MAP3K9: variants seen among roughly 807,000 people sequenced by gnomAD.
The protein encoded by MAP3K9 is mixed lineage kinase 1 (tyr and ser/thr specificity).
Under a neutral mutation model 95.8 loss-of-function variants are expected in MAP3K9, and 46 were observed. The observed-to-expected ratio is 0.48, with a 90% confidence interval of 0.38 to 0.61. The LOEUF is 0.61. Ranked by LOEUF, MAP3K9 falls within the 20% of genes least tolerant of loss-of-function variation. The probability of loss-of-function intolerance (pLI) is 0.00; values close to 1 mark genes in which losing one functional copy is unlikely to be tolerated. For synonymous variants in MAP3K9, 533 were observed against 593.8 expected (o/e 0.90, Z 1.49); for missense variants, 1,296 against 1,474.3 (o/e 0.88, Z 1.98).
intron 2 of MAP3K9, among the ~76,000 whole-genome samples, chr14:70,797,263 T>G (rs991369178): frequency 2.6e-5 from 4 of 152,052 alleles, no homozygotes; most frequent in African/African-American, 9.7e-5. Context: ...TCTGGAACCC[T>G]TAACAAAGCA....
At position 70,732,767 on chromosome 14, in the gene MAP3K9, C is replaced by T. The variant is rs537793324; in HGVS notation, c.2602G>A (p.Glu868Lys). ...GTACATGGACTCAGGGGAGGGGCCT[C>T]GACTGGGCTGACTGGCATCTCATAC... ...VVYEMPVSPV[E>K]APPLSPCTHN... Residue 868 changes from glutamate to lysine, a missense_variant, in exon 11 of 12, where the codon GAG (glutamate) becomes AAG (lysine). Glu to Lys is a moderately conservative substitution (Grantham distance 56). Transcript: ENST00000554752. 3.7e-6 allele frequency: 6 copies of T among 1,612,894 alleles called. No individual in the cohort carries two copies. Among genetic ancestry groups the T allele is most frequent in the South Asian group, 3.3e-5 (3 of 90,920 alleles).
intron 2 of MAP3K9, among the ~76,000 whole-genome samples, chr14:70,793,789 T>C (rs147323835): frequency 0.01 from 1,576 of 152,258 alleles, 10 homozygotes; most frequent in Middle Eastern, 0.02. Flanking sequence ...CCTGAAATCA[T>C]AGCCAAAAAA....
chr14:70,795,578 C>T (rs150456325), intron 2 of MAP3K9, among the ~76,000 whole-genome samples: 413 of 152,290 alleles, frequency 2.7e-3, no homozygotes, highest in South Asian at 5.8e-3. Context: ...TCCCAAAGTG[C>T]TGGGATTACA....
chr14:70,748,035 A>AG (rs11404226), intron 5 of MAP3K9, among the ~76,000 whole-genome samples: 150,810 of 150,838 alleles, frequency 1, 75,391 homozygotes, highest in Middle Eastern at 1. Context: ...GTGAACCCAG[A>AG]GGCAGAGCCT....
intron 8 of MAP3K9, among the ~76,000 whole-genome samples, chr14:70,736,685 G>A (rs2053990792): frequency 6.6e-6 from 1 of 152,212 alleles, no homozygotes; most frequent in Admixed American, 6.5e-5. Context: ...GGGTGACTGA[G>A]TTTCTCAGAC....
chr14:70,783,259 C>T (rs911210212), intron 2 of MAP3K9: 29 of 952,288 alleles, frequency 3.0e-5, no homozygotes, highest in African/African-American at 1.4e-4. Flanking sequence ...GTCCAAACAA[C>T]GGTAAGGTGG....
intron 3 of MAP3K9, among the ~76,000 whole-genome samples, chr14:70,758,712 T>G (rs2054329937): frequency 6.6e-6 from 1 of 152,030 alleles, no homozygotes; most frequent in Admixed American, 6.6e-5. Flanking sequence ...CAATGGAATA[T>G]TATTAAGCCT....
rs2054536518 is a variant in MAP3K9 at position 70,771,878 on chromosome 14, C to T, written c.821-10696G>A. Among the ~76,000 whole-genome samples the T allele has an allele frequency of 2.0e-5, 3 of 152,332 alleles. No individual in the cohort carries two copies. The South Asian group carries it at 6.2e-4, about 32-fold the overall frequency. ...GTGGAGGAAGGAAGATGATCTCAGA[C>T]CCAACACATAGCAGGCTCCCTGTTG... On this transcript the variant is annotated intron_variant, in intron 2 of 11. Transcript: ENST00000554752.
chr14:70,749,438 A>T (rs1257667914), intron 4 of MAP3K9: 1 of 165,006 alleles, frequency 6.1e-6, no homozygotes, highest in Non-Finnish European at 1.3e-5. Context: ...GAGGATGAAA[A>T]GCATTCTAGT....
chr14:70,738,182 C>T, intron 8 of MAP3K9, 63 bp downstream of exon 8: 1 of 1,469,166 alleles, frequency 6.8e-7, no homozygotes, highest in Non-Finnish European at 9.1e-7. Flanking sequence ...TATTTCATAT[C>T]CTATGTTTAA....
At chr14:70,744,683 C>T (rs796506252) in intron 5 of MAP3K9, among the ~76,000 whole-genome samples, 5 of 152,360 alleles carry the variant, frequency 3.3e-5, no homozygotes, top group African/African-American at 1.2e-4. Context: ...CCAAATTTGG[C>T]TGCTGCTCTA....
chr14:70,731,328 A>C (rs2053899667), intron 11 of MAP3K9, among the ~76,000 whole-genome samples: 1 of 152,150 alleles, frequency 6.6e-6, no homozygotes, highest in Non-Finnish European at 1.5e-5. Flanking sequence ...CCATGCCTGT[A>C]GTCCCAGCTA....
chr14:70,789,105 C>T (rs1362253767), intron 2 of MAP3K9, among the ~76,000 whole-genome samples: 1 of 152,208 alleles, frequency 6.6e-6, no homozygotes, highest in East Asian at 1.9e-4. Context: ...AAGCCAAAGG[C>T]TGTAACAGAC....
intron 2 of MAP3K9, among the ~76,000 whole-genome samples, chr14:70,775,316 A>G (rs1332224949): frequency 6.6e-6 from 1 of 152,070 alleles, no homozygotes; most frequent in Non-Finnish European, 1.5e-5. Flanking sequence ...GGAAGCTGGG[A>G]CTCAAAGGGC....
Position 70,738,379 on chromosome 14 carries a change from G to A in MAP3K9, c.1710C>T (p.Ser570=), listed in dbSNP as rs1303820899. ...RAIQLTPGES[S]KTWGRSSVVP... Reference sequence around the variant, plus strand: ...CGACTGAGCTCCTGCCCCAGGTTTTGCTGCTTTCACCTGGTGTCACTGTGA... The same window carrying A: ...CGACTGAGCTCCTGCCCCAGGTTTTACTGCTTTCACCTGGTGTCACTGTGA... The change falls in exon 8 of 12, where the codon AGC becomes AGT. Residue 570 remains serine (S), a synonymous_variant. Transcript: ENST00000554752. 1.2e-6 allele frequency: 2 copies of A among 1,613,850 alleles called. No individual in the cohort carries two copies. Among genetic ancestry groups the A allele is most frequent in the African/African-American group, 1.3e-5 (1 of 74,996 alleles).
In MAP3K9 at chr14:70,730,850, G is replaced by C. The variant is rs763672830; in HGVS notation, c.2845C>G (p.Pro949Ala). The change falls in exon 12 of 12, where the codon CCC (proline) becomes GCC (alanine). Residue 949 changes from proline to alanine, a missense_variant. Transcript: ENST00000554752. The stretch of plus-strand genomic sequence containing the variant: ...TCACCTGGGTCTCGGCTGGGACTGG[G>C]GGTTTTCAACATTCCTGGTCAAAAA... The part of the protein sequence containing the change: ...PSPGAGMLKT[P>A]SPSRDPGEFP... The C allele has an allele frequency of 1.9e-6, 3 of 1,602,746 alleles. No individual in the cohort carries two copies. Among genetic ancestry groups the C allele is most frequent in the South Asian group, 2.2e-5 (2 of 90,864 alleles).
At position 70,727,936 on chromosome 14, in the gene MAP3K9, A is replaced by G. The variant is rs773368894; in HGVS notation, c.*2444T>C. 2 of 152,152 alleles carry G rather than the reference A, an allele frequency of 1.3e-5. No individual in the cohort carries two copies. Among genetic ancestry groups the G allele is most frequent in the Non-Finnish European group, 2.9e-5 (2 of 68,022 alleles). 9.4% of individuals were successfully genotyped at this position (152,152 alleles called of 1,614,324 possible). Reference sequence around the variant, plus strand: ...GATGGCTGCAACCTACCACAATGGCAAAAGTTAAAAATGAGCAAAGGAAAA... The same window carrying G: ...GATGGCTGCAACCTACCACAATGGCGAAAGTTAAAAATGAGCAAAGGAAAA... On this transcript the variant is annotated 3_prime_UTR_variant, in exon 12 of 12. Transcript: ENST00000554752.
At chr14:70,770,436 G>A (rs1028508603) in intron 2 of MAP3K9, among the ~76,000 whole-genome samples, 7 of 151,958 alleles carry the variant, frequency 4.6e-5, no homozygotes, top group African/African-American at 1.2e-4. Flanking sequence ...CGCCTGCCTC[G>A]GCCTCCCAAA....
rs199933012 is a variant in MAP3K9 at position 70,730,533 on chromosome 14, C to T, written c.3162G>A (p.Pro1054=). The change falls in exon 12 of 12, where the codon CCG becomes CCA. Residue 1054 remains proline (P), a synonymous_variant. Coordinates refer to ENST00000554752, the MANE Select transcript of MAP3K9 (RefSeq NM_001284230.2). ...EERPGLPALL[P]FQAGPLPPTE... is the part of the protein sequence containing the mutation. ...TCGGGGGCAGCGGCCCTGCCTGGAACGGGAGCAGGGCTGGAAGTCCAGGCC... is the reference window on the plus strand; with the variant it reads ...TCGGGGGCAGCGGCCCTGCCTGGAATGGGAGCAGGGCTGGAAGTCCAGGCC... 5.3e-5 allele frequency: 85 copies of T among 1,613,956 alleles called. No homozygotes were observed. The East Asian group carries it at 1.5e-3, about 29-fold the overall frequency.
Sources: gnomAD v4.1 joint callset for allele counts (sites outside exome capture counted in the v4.1 genomes callset) on GRCh38, gnomAD v4.1.1 for gene constraint, MANE v1.5 for transcripts, NCBI Gene and HGNC (gene_info 2026-07-23, HGNC 2026-07-21) for gene names.